KCTD17: variants seen among roughly 807,000 people sequenced by gnomAD.
KCTD17 encodes the protein potassium channel tetramerization domain containing 17, also known as BTB/POZ domain-containing protein KCTD17.
Under a neutral mutation model 41.5 loss-of-function variants are expected in KCTD17, and 20 were observed. That is an observed-to-expected ratio of 0.48 (90% CI 0.34 to 0.70). KCTD17 has a LOEUF of 0.70. KCTD17 is among the 30% of genes least tolerant of loss of function. KCTD17 has a pLI of 0.01. For missense variants in KCTD17, 317 were observed against 427.2 expected (o/e 0.74, Z 2.27); for synonymous variants, 156 against 173.8 (o/e 0.90, Z 0.80).
chr22:37,058,976 C>T (rs183182443), intron 4 of KCTD17, among the ~76,000 whole-genome samples: 1 of 152,326 alleles, frequency 6.6e-6, no homozygotes, highest in East Asian at 1.9e-4. Flanking sequence ...CTTTAGAGGC[C>T]TCCGCCTGCA....
chr22:37,056,422 G>C lies in KCTD17; in HGVS notation c.390+11G>C, dbSNP rs536277554. 1 of 1,609,982 alleles carries C rather than the reference G, an allele frequency of 6.2e-7. No individual in the cohort carries two copies. Among genetic ancestry groups the C allele is most frequent in the African/African-American group, 1.3e-5 (1 of 74,960 alleles). ...TACACGGTCACCCAGGTCGGGAGCA[G>C]GGGCAGCACACACGGCCAGGGCAGG... is the stretch of plus-strand genomic sequence containing the variant. On this transcript the variant is annotated intron_variant, in intron 3 of 8. Coordinates refer to ENST00000403888, the MANE Select transcript of KCTD17 (RefSeq NM_001282684.2).
chr22:37,061,556 C>T lies in KCTD17; in HGVS notation c.802C>T (p.Leu268Phe), dbSNP rs1474732098. 2.5e-6 allele frequency: 4 copies of T among 1,601,892 alleles called. No homozygotes were observed. The highest frequency in any genetic ancestry group is 2.5e-6 in the Non-Finnish European group (3 of 1,179,718). ...CCTTGCAGGTTCCCGTCCGCACCCT[C>T]TCAGACCTGAGGCTGAGCTTGCAGT... ...LPAGGSRPHP[L>F]RPEAELAVRA... The change falls in exon 8 of 9, where the codon CTC becomes TTC. Residue 268 changes from leucine (L) to phenylalanine (F), a missense_variant. Physicochemically the swap from Leu to Phe is conservative, Grantham distance 22. Coordinates refer to ENST00000403888, the MANE Select transcript of KCTD17 (RefSeq NM_001282684.2). The surrounding 1 kb of genome is among the most constrained non-coding windows in gnomAD (Gnocchi z 6.6).
intron 8 of KCTD17, chr22:37,062,212 C>T: frequency 8.1e-6 from 8 of 985,388 alleles, no homozygotes; most frequent in Non-Finnish European, 9.6e-6. Flanking sequence ...CCATCCCACC[C>T]CCTTCAGAGT....
intron 1 of KCTD17, chr22:37,052,372 G>T: frequency 2.6e-6 from 1 of 379,324 alleles, no homozygotes; most frequent in Non-Finnish European, 5.4e-6. Context: ...GCCCTGGGGC[G>T]CCTTCTGAGC....
rs763792311 is a variant in KCTD17 at position 37,053,719 on chromosome 22, T to C, written c.298+511T>C. On this transcript the variant is annotated intron_variant, in intron 2 of 8. Coordinates refer to ENST00000403888, the MANE Select transcript of KCTD17 (RefSeq NM_001282684.2). This position sits in a 1 kb window ranked among gnomAD's most constrained non-coding sequence, Gnocchi z 4.1. ...TGTGCGGCACAGTGCTGGCTGTGGG[T>C]GGAGGCAGGAGAGGGGGGAGTCTGC... Among the ~76,000 whole-genome samples, 1 of 152,006 alleles carries C rather than the reference T, an allele frequency of 6.6e-6. No homozygotes were observed. Among genetic ancestry groups the C allele is most frequent in the Non-Finnish European group, 1.5e-5 (1 of 67,980 alleles).
intron 1 of KCTD17, chr22:37,052,197 C>A: frequency 2.1e-6 from 1 of 476,086 alleles, no homozygotes; most frequent in Middle Eastern, 5.9e-4. Context: ...CGCCCCGGAT[C>A]GGGGCCTCTC....
At chr22:37,062,413 T>TCCCCCCCC in intron 8 of KCTD17, 112 bp from the exon 9 acceptor site, 5 of 1,252,858 alleles carry the variant, frequency 4.0e-6, no homozygotes, top group Non-Finnish European at 2.1e-6. Flanking sequence ...TCTCTCTCCC[T>TCCCCCCCC]CTCCCCCACC....
chr22:37,057,592 C>T, intron 4 of KCTD17, 99 bp downstream of exon 4: 1 of 902,408 alleles, frequency 1.1e-6, no homozygotes, highest in South Asian at 1.5e-5. Flanking sequence ...GCCTTGGGTT[C>T]CCCACCACAG....
At chr22:37,054,332 C>T (rs929414787) in intron 2 of KCTD17, among the ~76,000 whole-genome samples, 6 of 152,300 alleles carry the variant, frequency 3.9e-5, no homozygotes, top group Non-Finnish European at 8.8e-5. Flanking sequence ...CCTGCATTCT[C>T]AAAGCCCTGC....
intron 5 of KCTD17, 142 bp downstream of exon 5, chr22:37,059,580 C>T (rs1601496163): frequency 4.1e-6 from 4 of 981,556 alleles, no homozygotes; most frequent in African/African-American, 1.6e-5. Flanking sequence ...TCACAGCCAC[C>T]GCCATCCATC....
intron 2 of KCTD17, among the ~76,000 whole-genome samples, chr22:37,054,873 G>A (rs1466205941): frequency 6.6e-6 from 1 of 152,172 alleles, no homozygotes; most frequent in South Asian, 2.1e-4. Flanking sequence ...ACAGAGGGCA[G>A]ATCAGAAATG....
chr22:37,054,910 T>G (rs994280234), intron 2 of KCTD17: 1 of 152,224 alleles, frequency 6.6e-6, no homozygotes, highest in Non-Finnish European at 1.5e-5. Context: ...CATTTCAGGC[T>G]GCAATCATGA....
chr22:37,052,622 C>T lies in KCTD17; in HGVS notation c.190-478C>T, dbSNP rs1289269952. 1.1e-4 allele frequency: 52 copies of T among 470,968 alleles called. No homozygotes were observed. The Admixed American group carries it at 1.2e-3, about 11-fold the overall frequency. 29.2% of individuals were successfully genotyped at this position (470,968 alleles called of 1,614,324 possible). ...CAAGTCGCCTCACCTCTCAATGTCT[C>T]CGATCTCTCTGTAGAGTCGCATGGA... On this transcript the variant is annotated intron_variant, in intron 1 of 8. Transcript: ENST00000403888.
chr22:37,056,455 G>T (rs1178882274), intron 3 of KCTD17, 44 bp downstream of exon 3: 2 of 1,512,734 alleles, frequency 1.3e-6, no homozygotes, highest in Non-Finnish European at 9.2e-7. Context: ...AGGGGCCAGT[G>T]GGGAGAGAGA....
At chr22:37,056,510 G>A in intron 3 of KCTD17, 99 bp downstream of exon 3, 2 of 1,012,712 alleles carry the variant, frequency 2.0e-6, no homozygotes, top group Non-Finnish European at 1.5e-6. Flanking sequence ...GGAGAGACAG[G>A]ACCAGTGTTT....
At chr22:37,052,773 C>T in intron 1 of KCTD17, 2 of 431,452 alleles carry the variant, frequency 4.6e-6, no homozygotes, top group Admixed American at 5.1e-5. Flanking sequence ...AGGGGACAGC[C>T]TCTCAGAGGG....
rs1379063292 is a variant in KCTD17 at position 37,062,976 on chromosome 22, A to G, written c.*382A>G. ...GTTGTGAGGGTGCACAGAGGAGCAA[A>G]GTCCCTGAAGGCCCTCAGGCAGTAT... On this transcript the variant is annotated 3_prime_UTR_variant, in exon 9 of 9. Coordinates refer to ENST00000403888, the MANE Select transcript of KCTD17 (RefSeq NM_001282684.2). The G allele has an allele frequency of 8.4e-6, 2 of 238,388 alleles. No homozygotes were observed. Among genetic ancestry groups the G allele is most frequent in the Non-Finnish European group, 1.6e-5 (2 of 122,170 alleles). The allele number at this position is 238,388 out of a possible 1,614,324, so 14.8% of individuals were successfully genotyped here. A position where few individuals can be genotyped will look rare whatever the true frequency, so the allele number is the denominator to read the frequency against.
In KCTD17 at chr22:37,062,589, A is replaced by G. The variant is rs1206449781; in HGVS notation, c.940A>G (p.Ile314Val). 6 of 1,612,184 alleles carry G rather than the reference A, an allele frequency of 3.7e-6. No homozygotes were observed. Among genetic ancestry groups the G allele is most frequent in the Admixed American group, 1.7e-5 (1 of 59,902 alleles). ...TCACCTCCAGGGACTTGGGGTTCCC[A>G]TCTGAAATCCTTTATTTTTGTACCA... ...PDHLQGLGVPI is the reference protein window; with the variant it reads ...PDHLQGLGVPV The change falls in exon 9 of 9, where the codon ATC (isoleucine) becomes GTC (valine). Residue 314 changes from isoleucine to valine, a missense_variant. Coordinates refer to ENST00000403888, the MANE Select transcript of KCTD17 (RefSeq NM_001282684.2).
At position 37,054,395 on chromosome 22, in the gene KCTD17, TTATCTGGGGGCTAGGGGATCACACAGGGC is replaced by T. The variant is rs1483448638; in HGVS notation, c.298+1203_298+1231del. 9.5e-3 allele frequency among the ~76,000 whole-genome samples: 1,435 copies of T among 151,372 alleles called. 24 individuals are homozygous for T. Among genetic ancestry groups the T allele is most frequent in the African/African-American group, 0.034 (1,397 of 41,150 alleles). On this transcript the variant is annotated intron_variant, in intron 2 of 8. Coordinates refer to ENST00000403888, the MANE Select transcript of KCTD17 (RefSeq NM_001282684.2). ...CTGGGGGCTAGAGGATCAGACAGGG[TTATCTGGGGGCTAGGGGATCACACAGGGC>T]TATCTGGGGGCTAGGAGATCACACA...
Sources: gnomAD v4.1 joint callset for allele counts (sites outside exome capture counted in the v4.1 genomes callset) on GRCh38, gnomAD v4.1.1 for gene constraint, Gnocchi (gnomAD v3.1) non-coding constraint, MANE v1.5 for transcripts, NCBI Gene and HGNC (gene_info 2026-07-23, HGNC 2026-07-21) for gene names.